The following DNPEP variants were observed in gnomAD, a reference collection of about 807,000 sequenced individuals.
DNPEP encodes aspartyl aminopeptidase.
Under a neutral mutation model 59.1 loss-of-function variants are expected in DNPEP, and 46 were observed. The observed-to-expected ratio is 0.78, with a 90% CI of 0.61 to 0.99. The LOEUF (loss-of-function observed/expected upper bound fraction) is 0.99. DNPEP is among the 50% of genes least tolerant of loss of function. The pLI, the probability that DNPEP is intolerant of heterozygous loss-of-function variation, is 0.00. For missense variants in DNPEP, 617 were observed against 649.9 expected (o/e 0.95, Z 0.55); for synonymous variants, 229 against 242.2 (o/e 0.95, Z 0.50).
rs1953237562 is a variant in DNPEP, at chr2:219,372,949, GAATA to G, written c.*1339_*1342del. On this transcript the variant is annotated 3_prime_UTR_variant, in exon 15 of 15. Transcript: ENST00000273075. ...TTAAGTTTTTTAGAAAGCTGAAGTG[GAATA>G]TTTATATGGAAATAAACTTTTATAT... Among the ~76,000 whole-genome samples, 2 of 152,134 alleles carry G rather than the reference GAATA, an allele frequency of 1.3e-5. No individual in the cohort carries two copies. Among genetic ancestry groups the G allele is most frequent in the Admixed American group, 1.3e-4 (2 of 15,268 alleles).
chr2:219,382,224 T>C, intron 10 of DNPEP, 85 bp from the exon 11 acceptor site: 1 of 1,489,342 alleles, frequency 6.7e-7, no homozygotes, highest in South Asian at 1.3e-5. Context: ...ATTGCCCAAC[T>C]GGCCCAAAAC....
intron 1 of DNPEP, 134 bp from the exon 2 acceptor site, chr2:219,387,297 C>T (rs2125144571): frequency 2.8e-6 from 4 of 1,450,284 alleles, no homozygotes; most frequent in Non-Finnish European, 3.6e-6. Flanking sequence ...CGCCCGTCCC[C>T]ACCGAGAGAC....
At chr2:219,385,378 G>T in intron 8 of DNPEP, 46 bp downstream of exon 8, 3 of 1,403,756 alleles carry the variant, frequency 2.1e-6, no homozygotes, top group Non-Finnish European at 3.0e-6. Context: ...GGGTGGCCAG[G>T]ATCCTGGAGG....
At position 219,372,517 on chromosome 2, in the gene DNPEP, C is replaced by T. The variant is rs921521227; in HGVS notation, c.*1775G>A. 1.3e-5 allele frequency among the ~76,000 whole-genome samples: 2 copies of T among 152,080 alleles called. No homozygotes were observed. Among genetic ancestry groups the T allele is most frequent in the Non-Finnish European group, 2.9e-5 (2 of 68,016 alleles). On this transcript the variant is annotated 3_prime_UTR_variant, in exon 15 of 15. Transcript: ENST00000273075. ...AGTAGCTGGGATTACAGGCACCCAC[C>T]ACCACGCATGGCTAATTTTTTTTGT...
Position 219,383,217 on chromosome 2 carries a change from G to C in DNPEP, c.853-3C>G. ...CCTGCACAGGAATCTATCAAGGCCT[G>C]GTTCAGGGAAGGAAATGAGAGCATC... On this transcript the variant is annotated splice_region_variant and splice_polypyrimidine_tract_variant and intron_variant, in intron 9 of 14. Transcript: ENST00000273075. The C allele has an allele frequency of 6.2e-7, 1 of 1,613,910 alleles. No individual in the cohort carries two copies. The highest frequency in any genetic ancestry group is 8.5e-7 in the Non-Finnish European group (1 of 1,179,842).
At chr2:219,388,820 G>C (rs1953961274), upstream of DNPEP, 1 of 985,472 alleles carries the variant, frequency 1.0e-6, no homozygotes, top group Admixed American at 6.1e-5. Flanking sequence ...TTATGATAAA[G>C]ATTGGCCTGT....
intron 3 of DNPEP, 31 bp downstream of exon 3, chr2:219,386,849 AGCCTAGGGACCT>A: frequency 1.2e-6 from 2 of 1,611,100 alleles, no homozygotes. Context: ...CTTGGAGACC[AGCCTAGGGACCT>A]GCCTTTCCAC....
chr2:219,392,412 A>G (rs1409392714), upstream of DNPEP, among the ~76,000 whole-genome samples: 1 of 150,672 alleles, frequency 6.6e-6, no homozygotes, highest in Non-Finnish European at 1.5e-5. Context: ...AGTGGCAACC[A>G]TCTCAGCTCA....
Position 219,380,232 on chromosome 2 carries a change from T to C in DNPEP, c.1239+1103A>G, listed in dbSNP as rs1347368141. 4.3e-4 allele frequency among the ~76,000 whole-genome samples: 65 copies of C among 151,242 alleles called. 2 individuals carry two copies. The East Asian group carries it at 0.012, about 29-fold the overall frequency. On this transcript the variant is annotated intron_variant, in intron 13 of 14. Transcript: ENST00000273075. ...TTTTTTTTTTTTGGTTTTGTTTTTT[T>C]GGAGACAGGGTCTCACTCTGTCGCC...
At chr2:219,399,832 T>C in intron 1 of DNPEP, 1 of 1,541,678 alleles carries the variant, frequency 6.5e-7, no homozygotes, top group South Asian at 1.2e-5. Flanking sequence ...GTGTCTGCAC[T>C]GGCTGGCCAC....
chr2:219,393,576 A>AT (rs2125152079), upstream of DNPEP: 1 of 152,486 alleles, frequency 6.6e-6, no homozygotes, highest in Non-Finnish European at 1.5e-5. Flanking sequence ...CACCACACCC[A>AT]GCTGGACAAG....
At chr2:219,391,640 A>T (rs560449747), upstream of DNPEP, among the ~76,000 whole-genome samples, 1 of 152,276 alleles carries the variant, frequency 6.6e-6, no homozygotes, top group Non-Finnish European at 1.5e-5. Flanking sequence ...ATCAGTTCTC[A>T]TGAGCTTGTC....
intron 13 of DNPEP, among the ~76,000 whole-genome samples, chr2:219,380,199 TTTC>T (rs1037454432): frequency 3.6e-5 from 3 of 83,966 alleles, no homozygotes; most frequent in Non-Finnish European, 5.1e-5. Flanking sequence ...TTCTTTTTCT[TTTC>T]TTTTTTTTTT....
chr2:219,391,939 GA>G (rs923625605), upstream of DNPEP, among the ~76,000 whole-genome samples: 14 of 143,426 alleles, frequency 9.8e-5, no homozygotes, highest in African/African-American at 1.0e-4. Flanking sequence ...ACTGTTGAGT[GA>G]AAAAAAAAAG....
At chr2:219,385,824 T>C in intron 6 of DNPEP, 118 bp from the exon 7 acceptor site, 1 of 1,433,848 alleles carries the variant, frequency 7.0e-7, no homozygotes. Flanking sequence ...CCCAGCCCAC[T>C]CCCCAAATCA....
At chr2:219,390,384 G>T (rs1238111372), upstream of DNPEP, among the ~76,000 whole-genome samples, 1 of 152,032 alleles carries the variant, frequency 6.6e-6, no homozygotes, top group Non-Finnish European at 1.5e-5. Context: ...TGACTTTCTT[G>T]TACAATAATC....
intron 1 of DNPEP, among the ~76,000 whole-genome samples, chr2:219,394,492 G>A (rs1006846796): frequency 2.6e-5 from 4 of 151,974 alleles, no homozygotes; most frequent in African/African-American, 9.7e-5. Flanking sequence ...GGCCAGGCTG[G>A]CCTCCAACTT....
intron 1 of DNPEP, 200 bp from the exon 2 acceptor site, chr2:219,387,363 G>A: frequency 2.1e-6 from 3 of 1,441,234 alleles, no homozygotes; most frequent in East Asian, 2.5e-5. Flanking sequence ...CCAGGATCAT[G>A]AGCCAGGCCC....
chr2:219,381,213 T>C, intron 13 of DNPEP, 122 bp downstream of exon 13: 1 of 828,934 alleles, frequency 1.2e-6, no homozygotes, highest in Non-Finnish European at 2.0e-6. Context: ...CTTTTCTCAC[T>C]CTACTGGGAC....
Sources: gnomAD v4.1 joint callset for allele counts (sites outside exome capture counted in the v4.1 genomes callset) on GRCh38, gnomAD v4.1.1 for gene constraint, MANE v1.5 for transcripts, NCBI Gene and HGNC (gene_info 2026-07-23, HGNC 2026-07-21) for gene names.